Variants in SMAP1 observed in about 807,000 individuals in gnomAD.
SMAP1 encodes stromal membrane-associated protein 1.
Under a neutral mutation model 58.5 loss-of-function variants are expected in SMAP1, and 24 were observed. The observed-to-expected ratio is 0.41, with a 90% CI of 0.30 to 0.58. The LOEUF (loss-of-function observed/expected upper bound fraction) is 0.58, where lower values mean the gene tolerates loss of function less well. SMAP1 is among the 20% of genes least tolerant of loss of function. The probability of loss-of-function intolerance (pLI) is 0.29; values close to 1 mark genes in which losing one functional copy is unlikely to be tolerated. For synonymous variants in SMAP1, 216 were observed against 196.6 expected (o/e 1.10, Z -0.82); for missense variants, 563 against 566.3 (o/e 0.99, Z 0.06).
intron 1 of SMAP1, among the ~76,000 whole-genome samples, chr6:70,701,107 G>T (rs1767609672): frequency 1.3e-5 from 2 of 152,172 alleles, no homozygotes; most frequent in South Asian, 4.1e-4. Flanking sequence ...GATTGGGGGA[G>T]TGGTGATGCA....
At chr6:70,688,005 T>G (rs768168981) in intron 1 of SMAP1, among the ~76,000 whole-genome samples, 4 of 152,152 alleles carry the variant, frequency 2.6e-5, no homozygotes, top group African/African-American at 4.8e-5. Flanking sequence ...ATGAATCTGT[T>G]TTTCACTTCC....
intron 6 of SMAP1, among the ~76,000 whole-genome samples, chr6:70,831,106 A>C (rs1156523898): frequency 6.6e-6 from 1 of 152,158 alleles, no homozygotes; most frequent in African/African-American, 2.4e-5. Flanking sequence ...TATCATTTCA[A>C]CTGTCTCTTC....
intron 5 of SMAP1, 26 bp downstream of exon 5, chr6:70,791,795 A>C (rs770676499): frequency 1.3e-6 from 2 of 1,581,658 alleles, no homozygotes; most frequent in South Asian, 1.1e-5. Flanking sequence ...AACCAGCTAC[A>C]TTATGTAGTG....
chr6:70,772,454 G>A (rs1431087930), intron 3 of SMAP1, among the ~76,000 whole-genome samples: 1 of 152,082 alleles, frequency 6.6e-6, no homozygotes, highest in Non-Finnish European at 1.5e-5. Flanking sequence ...CTGTAATTAT[G>A]TGTGTTTTAT....
Position 70,791,696 on chromosome 6 carries a change from CCT to C in SMAP1, c.425_426del (p.Ser142Ter), listed in dbSNP as rs1473619522. On this transcript the variant is annotated frameshift_variant, in exon 5 of 11. Transcript: ENST00000370455. LOFTEE classifies it high-confidence loss of function. ...TTCACCTGTACTCCACAGATTTCCT[CCT>C]CTGATGCTCCTCTTCAGCCTTTGGT... The C allele has an allele frequency of 6.2e-7, 1 of 1,612,568 alleles. No individual in the cohort carries two copies. Among genetic ancestry groups the C allele is most frequent in the African/African-American group, 1.3e-5 (1 of 74,872 alleles).
chr6:70,857,095 T>C (rs193231413), intron 9 of SMAP1, 65 bp downstream of exon 9: 96 of 1,414,042 alleles, frequency 6.8e-5, no homozygotes, highest in Non-Finnish European at 8.3e-5. Flanking sequence ...AATTATATAA[T>C]AAGATCAATT....
chr6:70,860,141 GA>G (rs1440941773), intron 10 of SMAP1, 58 bp from the exon 11 acceptor site: 2 of 1,507,670 alleles, frequency 1.3e-6, no homozygotes, highest in Non-Finnish European at 1.8e-6. Context: ...TGTGGCTAAA[GA>G]AACAAGAATT....
Position 70,684,827 on chromosome 6 carries a change from T to G in SMAP1, c.118+16686T>G, listed in dbSNP as rs1046849448. Among the ~76,000 whole-genome samples, 5 of 152,294 alleles carry G rather than the reference T, an allele frequency of 3.3e-5. No homozygotes were observed. In the East Asian group the frequency reaches 5.8e-4, roughly 18 times the overall value. ...TCTGTGGGTTAGTAGTCACTGCTCT[T>G]CTCTTCTCTTTTAGAGGCACACTAG... On this transcript the variant is annotated intron_variant, in intron 1 of 10. Coordinates refer to ENST00000370455, the MANE Select transcript of SMAP1 (RefSeq NM_001044305.3).
At chr6:70,674,894 GA>G (rs1766413070) in intron 1 of SMAP1, among the ~76,000 whole-genome samples, 2 of 152,182 alleles carry the variant, frequency 1.3e-5, no homozygotes, top group South Asian at 4.1e-4. Flanking sequence ...AGAATTGCTT[GA>G]ACCCTGGAGG....
chr6:70,699,963 CAGA>C (rs755640402), intron 1 of SMAP1, among the ~76,000 whole-genome samples: 5 of 151,764 alleles, frequency 3.3e-5, no homozygotes, highest in Non-Finnish European at 7.4e-5. Context: ...TTTCCTCAAG[CAGA>C]AGGTGATATG....
intron 7 of SMAP1, among the ~76,000 whole-genome samples, chr6:70,837,259 AAAG>A (rs1770627785): frequency 6.6e-6 from 1 of 152,204 alleles, no homozygotes; most frequent in Non-Finnish European, 1.5e-5. Flanking sequence ...TCTTTGGGGA[AAAG>A]AAGATATCAA....
chr6:70,778,200 T>C (rs1048360813), intron 4 of SMAP1, among the ~76,000 whole-genome samples: 2 of 152,194 alleles, frequency 1.3e-5, no homozygotes, highest in Non-Finnish European at 2.9e-5. Context: ...CCTCAAGTGT[T>C]ATCCTTTGTG....
chr6:70,772,399 G>A (rs552415063), intron 3 of SMAP1, among the ~76,000 whole-genome samples: 1 of 152,178 alleles, frequency 6.6e-6, no homozygotes. Context: ...CCTTAACTTG[G>A]GGGATCCACA....
At chr6:70,835,941 C>T (rs191960491) in intron 6 of SMAP1, among the ~76,000 whole-genome samples, 1 of 152,270 alleles carries the variant, frequency 6.6e-6, no homozygotes, top group East Asian at 1.9e-4. Flanking sequence ...ATGACTTCGG[C>T]TCCTGAGAAC....
intron 6 of SMAP1, among the ~76,000 whole-genome samples, chr6:70,831,476 T>C (rs924476962): frequency 1.3e-5 from 2 of 152,170 alleles, no homozygotes; most frequent in African/African-American, 4.8e-5. Flanking sequence ...TGTTCATGTA[T>C]TCTCAGTGTT....
intron 6 of SMAP1, among the ~76,000 whole-genome samples, chr6:70,808,864 GA>G (rs1368023202): frequency 2.7e-5 from 4 of 150,194 alleles, no homozygotes; most frequent in African/African-American, 9.8e-5. Flanking sequence ...TAATTTAGGA[GA>G]AAATAGAACC....
At chr6:70,826,955 AAAAAAGAAAAAG>A (rs1562188652) in intron 6 of SMAP1, among the ~76,000 whole-genome samples, 11 of 140,806 alleles carry the variant, frequency 7.8e-5, no homozygotes, top group African/African-American at 2.8e-4. Context: ...AAAAAAAAAA[AAAAAAGAAAAAG>A]AAAAGAAAAA....
chr6:70,765,869 A>G (rs1401008523), intron 3 of SMAP1, among the ~76,000 whole-genome samples: 3 of 150,722 alleles, frequency 2.0e-5, no homozygotes, highest in Middle Eastern at 3.4e-3. Flanking sequence ...AGCATTAGGT[A>G]TATCTCCTAA....
At chr6:70,838,740 G>T (rs1431570207) in intron 7 of SMAP1, among the ~76,000 whole-genome samples, 1 of 151,950 alleles carries the variant, frequency 6.6e-6, no homozygotes, top group Non-Finnish European at 1.5e-5. Flanking sequence ...AAGGAAGGAG[G>T]GGGTAGGGAG....
Sources: allele counts gnomAD v4.1 joint callset (sites outside exome capture counted in the v4.1 genomes callset), GRCh38; gene constraint gnomAD v4.1.1; transcripts MANE v1.5; gene names NCBI Gene and HGNC (gene_info 2026-07-23, HGNC 2026-07-21).